DLG2: variants seen among roughly 807,000 people sequenced by gnomAD.
The protein encoded by DLG2 is disks large homolog 2.
Under a neutral mutation model 132.5 loss-of-function variants are expected in DLG2, and 45 were observed. That is an observed-to-expected ratio of 0.34 (90% CI 0.27 to 0.44). The LOEUF (loss-of-function observed/expected upper bound fraction) is 0.44, where lower values mean the gene tolerates loss of function less well. Among genes scored for constraint, DLG2 ranks in the 20% least tolerant of loss-of-function variants. The pLI is 1.00. For missense variants in DLG2, 1,045 were observed against 1,196.9 expected (o/e 0.87, Z 1.87); for synonymous variants, 424 against 419.6 (o/e 1.01, Z -0.13).
At chr11:83,677,680 T>C (rs2077992256) in intron 18 of DLG2, among the ~76,000 whole-genome samples, 1 of 151,996 alleles carries the variant, frequency 6.6e-6, no homozygotes, top group African/African-American at 2.4e-5. Context: ...TTCATTTCAT[T>C]AAAAAACAAA....
At chr11:84,233,974 T>TCCTGACA (rs2097127653) in intron 8 of DLG2, among the ~76,000 whole-genome samples, 1 of 152,162 alleles carries the variant, frequency 6.6e-6, no homozygotes. Context: ...GACAAGATCT[T>TCCTGACA]AGGAGCTGGC....
chr11:83,542,815 A>G (rs1251508070), intron 19 of DLG2, among the ~76,000 whole-genome samples: 1 of 152,130 alleles, frequency 6.6e-6, no homozygotes, highest in Non-Finnish European at 1.5e-5. Flanking sequence ...CACCCCACAC[A>G]TACAGCATAT....
intron 7 of DLG2, among the ~76,000 whole-genome samples, chr11:84,399,862 T>C (rs1417674906): frequency 1.3e-5 from 2 of 152,238 alleles, no homozygotes; most frequent in Admixed American, 6.5e-5. Flanking sequence ...ACCCAAAACC[T>C]TTGTTCAGCA....
rs114809547 is a variant in DLG2, at chr11:85,489,043, T to A, written c.40+109614A>T. ...TAATTTAGAAAACAACCAGAAAAAA[T>A]TAACAACATGACAAAGAAAAGCTCA... is the stretch of plus-strand genomic sequence containing the variant. On this transcript the variant is annotated intron_variant, in intron 3 of 27. Coordinates refer to ENST00000376104, the MANE Select transcript of DLG2 (RefSeq NM_001142699.3). Among the ~76,000 whole-genome samples the A allele has an allele frequency of 5.9e-3, 890 of 150,454 alleles. 10 individuals carry two copies. Among genetic ancestry groups the A allele is most frequent in the African/African-American group, 0.021 (865 of 40,956 alleles).
intron 4 of DLG2, among the ~76,000 whole-genome samples, chr11:85,187,155 C>G (rs2080172369): frequency 6.6e-6 from 1 of 152,056 alleles, no homozygotes; most frequent in Non-Finnish European, 1.5e-5. Context: ...CTGAATATTA[C>G]TAAAACACTG....
chr11:84,562,758 TTTTTC>T (rs1419078396), intron 6 of DLG2, among the ~76,000 whole-genome samples: 1 of 151,792 alleles, frequency 6.6e-6, no homozygotes, highest in East Asian at 1.9e-4. Context: ...TCTTTTTTTT[TTTTTC>T]TTTTGAGACA....
At chr11:83,474,609 C>T (rs374784253) in intron 22 of DLG2, among the ~76,000 whole-genome samples, 4 of 152,136 alleles carry the variant, frequency 2.6e-5, no homozygotes, top group East Asian at 1.9e-4. Flanking sequence ...TTCATAAAGG[C>T]GAGAACTGAG....
chr11:85,059,008 T>C (rs886562513), intron 6 of DLG2, among the ~76,000 whole-genome samples: 1 of 151,534 alleles, frequency 6.6e-6, no homozygotes, highest in Admixed American at 6.6e-5. Flanking sequence ...AATGATAAAT[T>C]GGACAAAATT....
chr11:84,964,540 T>C (rs912253130), intron 6 of DLG2, among the ~76,000 whole-genome samples: 5 of 152,164 alleles, frequency 3.3e-5, no homozygotes, highest in African/African-American at 1.2e-4. Context: ...GAAGATCCTA[T>C]AATATTGTTT....
At chr11:85,549,054 G>A (rs574306257) in intron 3 of DLG2, among the ~76,000 whole-genome samples, 17 of 152,260 alleles carry the variant, frequency 1.1e-4, no homozygotes, top group South Asian at 1.0e-3. Context: ...AAACTCCTGC[G>A]GCTAGTTCAG....
At chr11:83,858,125 C>A (rs2060846329) in intron 16 of DLG2, among the ~76,000 whole-genome samples, 1 of 152,092 alleles carries the variant, frequency 6.6e-6, no homozygotes, top group Admixed American at 6.5e-5. Context: ...TGGGGCACCC[C>A]AAATATGCAA....
At chr11:84,889,638 T>C (rs914831538) in intron 6 of DLG2, among the ~76,000 whole-genome samples, 8 of 152,182 alleles carry the variant, frequency 5.3e-5, no homozygotes, top group Non-Finnish European at 1.0e-4. Flanking sequence ...GCTAATTTAA[T>C]TTTTTAAATT....
intron 6 of DLG2, among the ~76,000 whole-genome samples, chr11:84,635,560 T>C (rs1364179290): frequency 1.3e-5 from 2 of 152,148 alleles, no homozygotes; most frequent in Non-Finnish European, 1.5e-5. Context: ...TTAATACTTG[T>C]ATATATATTT....
intron 6 of DLG2, among the ~76,000 whole-genome samples, chr11:84,978,395 C>A (rs550784399): frequency 6.6e-6 from 1 of 152,164 alleles, no homozygotes; most frequent in African/African-American, 2.4e-5. Flanking sequence ...ATCACGCTAC[C>A]TGACTTCAAA....
intron 6 of DLG2, among the ~76,000 whole-genome samples, chr11:84,636,272 C>A (rs1298290132): frequency 6.6e-6 from 1 of 152,180 alleles, no homozygotes; most frequent in Non-Finnish European, 1.5e-5. Context: ...GAAATAGCCA[C>A]AGTCCTCCCT....
At chr11:83,757,235 G>T (rs1328656948) in intron 18 of DLG2, among the ~76,000 whole-genome samples, 5 of 152,204 alleles carry the variant, frequency 3.3e-5, no homozygotes, top group Non-Finnish European at 7.3e-5. Flanking sequence ...TTGGAATTCA[G>T]AGGTCAGTCT....
chr11:85,220,088 AC>A (rs965193553), intron 4 of DLG2, among the ~76,000 whole-genome samples: 5 of 152,252 alleles, frequency 3.3e-5, no homozygotes, highest in Non-Finnish European at 5.9e-5. Flanking sequence ...ATAACAATAA[AC>A]AAAGCATACA....
intron 18 of DLG2, among the ~76,000 whole-genome samples, chr11:83,652,592 A>T (rs1177668421): frequency 6.6e-6 from 1 of 152,062 alleles, no homozygotes; most frequent in East Asian, 1.9e-4. Context: ...GGCTGGTCTC[A>T]AACTCCTGGC....
At chr11:85,098,931 T>C (rs2070386838) in intron 6 of DLG2, among the ~76,000 whole-genome samples, 1 of 152,050 alleles carries the variant, frequency 6.6e-6, no homozygotes, top group Admixed American at 6.6e-5. Flanking sequence ...CATGCTCAGG[T>C]TTGGGGTTTT....
Sources: gnomAD v4.1 joint callset for allele counts (sites outside exome capture counted in the v4.1 genomes callset) on GRCh38, gnomAD v4.1.1 for gene constraint, MANE v1.5 for transcripts, NCBI Gene and HGNC (gene_info 2026-07-23, HGNC 2026-07-21) for gene names.